SPAG16: variants seen among roughly 807,000 people sequenced by gnomAD.
The protein encoded by SPAG16 is sperm associated antigen 16, also known as sperm-associated antigen 16 protein.
Under a neutral mutation model 80.4 loss-of-function variants are expected in SPAG16, and 86 were observed. The ratio of observed to expected loss-of-function variants is 1.07; its 90% CI spans 0.90 to 1.28. The LOEUF (loss-of-function observed/expected upper bound fraction) is 1.28, where lower values mean the gene tolerates loss of function less well. Ranked by LOEUF, SPAG16 falls within the 50% of genes most tolerant of loss-of-function variation. The pLI is 0.00. For synonymous variants in SPAG16, 294 were observed against 265.9 expected (o/e 1.11, Z -1.03); for missense variants, 870 against 765.3 (o/e 1.14, Z -1.61).
At chr2:213,639,115 T>C (rs538486736) in intron 10 of SPAG16, among the ~76,000 whole-genome samples, 167 of 152,330 alleles carry the variant, frequency 1.1e-3, no homozygotes, top group African/African-American at 3.8e-3. Flanking sequence ...TCTTTTCACC[T>C]TAAGTTTATA....
intron 5 of SPAG16, among the ~76,000 whole-genome samples, chr2:213,319,829 A>G (rs543452929): frequency 6.6e-6 from 1 of 152,034 alleles, no homozygotes; most frequent in African/African-American, 2.4e-5. Context: ...ACTCATGCAG[A>G]TTATTAACTT....
At chr2:213,413,613 C>T (rs116473128) in intron 9 of SPAG16, among the ~76,000 whole-genome samples, 2,029 of 152,122 alleles carry the variant, frequency 0.013, 23 homozygotes, top group Middle Eastern at 0.024. Flanking sequence ...AAAGATATTA[C>T]GAGCCAAGCA....
At chr2:214,125,363 A>C (rs1015932370) in intron 14 of SPAG16, among the ~76,000 whole-genome samples, 1 of 151,802 alleles carries the variant, frequency 6.6e-6, no homozygotes, top group Non-Finnish European at 1.5e-5. Context: ...AAGTCATTAC[A>C]TTATGAATTG....
chr2:214,228,341 T>G (rs1037817914), intron 15 of SPAG16, among the ~76,000 whole-genome samples: 7 of 151,938 alleles, frequency 4.6e-5, no homozygotes, highest in Non-Finnish European at 8.8e-5. Flanking sequence ...TTTGATAGCA[T>G]TATATCACAG....
At chr2:213,869,253 C>CAA (rs1329869756) in intron 11 of SPAG16, among the ~76,000 whole-genome samples, 1,802 of 82,634 alleles carry the variant, frequency 0.022, 165 homozygotes, top group South Asian at 0.093. Context: ...AAGTCCATGT[C>CAA]AAAAAAAAAA....
intron 11 of SPAG16, among the ~76,000 whole-genome samples, chr2:213,924,475 T>TC (rs1404140447): frequency 6.6e-6 from 1 of 152,216 alleles, no homozygotes; most frequent in Admixed American, 6.5e-5. Context: ...CCTTCATGGA[T>TC]CCCAGCATGG....
At chr2:214,015,210 C>G (rs1479155164) in intron 13 of SPAG16, among the ~76,000 whole-genome samples, 1 of 152,116 alleles carries the variant, frequency 6.6e-6, no homozygotes, top group Non-Finnish European at 1.5e-5. Context: ...CATGGACTGG[C>G]CAGACCCACT....
intron 1 of SPAG16, among the ~76,000 whole-genome samples, chr2:213,291,713 C>T (rs1358961584): frequency 5.3e-5 from 8 of 152,292 alleles, no homozygotes; most frequent in African/African-American, 1.9e-4. Flanking sequence ...CCTATTGTGT[C>T]ACTGTAGAAA....
At chr2:214,343,795 G>A (rs940205622) in intron 15 of SPAG16, among the ~76,000 whole-genome samples, 2 of 152,068 alleles carry the variant, frequency 1.3e-5, no homozygotes, top group Admixed American at 6.6e-5. Context: ...GACTCCCAAT[G>A]CAGTAAATAA....
intron 13 of SPAG16, among the ~76,000 whole-genome samples, chr2:214,051,765 G>T (rs1464603720): frequency 6.6e-6 from 1 of 152,156 alleles, no homozygotes; most frequent in African/African-American, 2.4e-5. Context: ...TTCCAGGTCT[G>T]ACAGGTGACA....
At chr2:213,487,059 G>C (rs2074012551) in intron 9 of SPAG16, among the ~76,000 whole-genome samples, 1 of 151,986 alleles carries the variant, frequency 6.6e-6, no homozygotes, top group African/African-American at 2.4e-5. Context: ...TTGTTAAATA[G>C]CTTGCCTAAG....
rs185383814 is a variant in SPAG16, at chr2:214,124,381, C to T, written c.1593+16120C>T. ...CACAGTACGAAATTGTTCTAAGTAA[C>T]GTGAAAATATCAACATAAAATGATA... On this transcript the variant is annotated intron_variant, in intron 14 of 15. Transcript: ENST00000331683. 2.6e-3 allele frequency among the ~76,000 whole-genome samples: 397 copies of T among 151,638 alleles called. 5 individuals carry two copies. Among genetic ancestry groups the T allele is most frequent in the Middle Eastern group, 6.8e-3 (2 of 294 alleles).
chr2:213,477,416 C>A (rs1400879522), intron 9 of SPAG16, among the ~76,000 whole-genome samples: 1 of 152,174 alleles, frequency 6.6e-6, no homozygotes, highest in Non-Finnish European at 1.5e-5. Context: ...TAACACCAAG[C>A]TATGGAAGCA....
At chr2:213,370,670 A>C (rs926120493) in intron 8 of SPAG16, among the ~76,000 whole-genome samples, 1 of 152,180 alleles carries the variant, frequency 6.6e-6, no homozygotes. Context: ...TAATGGTTTA[A>C]ATTTTATATA....
intron 10 of SPAG16, among the ~76,000 whole-genome samples, chr2:213,651,056 C>T (rs917760514): frequency 6.6e-6 from 1 of 152,168 alleles, no homozygotes; most frequent in Non-Finnish European, 1.5e-5. Flanking sequence ...CAGGTTCTTA[C>T]TGAGATTCAA....
chr2:213,804,136 A>T (rs944403959), intron 10 of SPAG16, among the ~76,000 whole-genome samples: 16 of 152,296 alleles, frequency 1.1e-4, no homozygotes, highest in African/African-American at 3.9e-4. Flanking sequence ...ACTAGGGGAA[A>T]ATTGGGCACA....
intron 13 of SPAG16, among the ~76,000 whole-genome samples, chr2:214,039,964 T>C (rs1011252593): frequency 2.0e-5 from 3 of 152,050 alleles, no homozygotes; most frequent in Admixed American, 6.5e-5. Context: ...AGTCATAGGG[T>C]TGTAGAAAAT....
chr2:214,180,603 C>T (rs2057280433), intron 15 of SPAG16, among the ~76,000 whole-genome samples: 1 of 151,360 alleles, frequency 6.6e-6, no homozygotes, highest in South Asian at 2.1e-4. Flanking sequence ...GCCATAAAAA[C>T]AAGGTAGCAT....
intron 9 of SPAG16, among the ~76,000 whole-genome samples, chr2:213,448,628 G>T (rs1344744187): frequency 6.6e-6 from 1 of 152,110 alleles, no homozygotes; most frequent in Non-Finnish European, 1.5e-5. Context: ...AGGAAGTCAG[G>T]GACCCAAATG....
Sources: gnomAD v4.1 joint callset for allele counts (sites outside exome capture counted in the v4.1 genomes callset) on GRCh38, gnomAD v4.1.1 for gene constraint, MANE v1.5 for transcripts, NCBI Gene and HGNC (gene_info 2026-07-23, HGNC 2026-07-21) for gene names.